PIK3C3: variants seen among roughly 807,000 people sequenced by gnomAD.
PIK3C3 encodes PI3-kinase type 3.
A neutral mutation model predicts 126.1 loss-of-function variants in PIK3C3; 95 were observed. That is an observed-to-expected ratio of 0.75 (90% CI 0.64 to 0.89). PIK3C3 has a LOEUF of 0.89. Ranked by LOEUF, PIK3C3 falls within the 40% of genes least tolerant of loss-of-function variation. The pLI is 0.00. For missense variants in PIK3C3, 829 were observed against 1,063.2 expected (o/e 0.78, Z 3.06); for synonymous variants, 374 against 360.0 (o/e 1.04, Z -0.44).
At chr18:41,980,065 A>G (rs1000913046) in intron 4 of PIK3C3, among the ~76,000 whole-genome samples, 1 of 152,110 alleles carries the variant, frequency 6.6e-6, no homozygotes, top group Admixed American at 6.5e-5. Flanking sequence ...GGATCAAATT[A>G]CTTTAACAGA....
At chr18:42,077,509 G>C (rs908426285) in intron 24 of PIK3C3, among the ~76,000 whole-genome samples, 1 of 152,196 alleles carries the variant, frequency 6.6e-6, no homozygotes, top group African/African-American at 2.4e-5. Flanking sequence ...ACCATGAATT[G>C]ATTCCATCTC....
At chr18:42,074,627 T>G (rs1264604778) in intron 24 of PIK3C3, among the ~76,000 whole-genome samples, 5 of 152,108 alleles carry the variant, frequency 3.3e-5, no homozygotes, top group African/African-American at 1.2e-4. Flanking sequence ...TTTAAAGCAT[T>G]ACTAGTACTC....
chr18:41,987,202 A>G (rs1029800979), intron 4 of PIK3C3, among the ~76,000 whole-genome samples: 4 of 152,068 alleles, frequency 2.6e-5, no homozygotes, highest in African/African-American at 7.2e-5. Context: ...GGAATTCTCT[A>G]TGGATTTGAA....
At chr18:42,068,690 C>A (rs1340143263) in intron 24 of PIK3C3, among the ~76,000 whole-genome samples, 1 of 152,102 alleles carries the variant, frequency 6.6e-6, no homozygotes, top group Non-Finnish European at 1.5e-5. Flanking sequence ...GTGGCTCACG[C>A]CTGTAATCCC....
At chr18:41,988,193 T>G (rs1187310924) in intron 5 of PIK3C3, among the ~76,000 whole-genome samples, 1 of 152,176 alleles carries the variant, frequency 6.6e-6, no homozygotes, top group East Asian at 1.9e-4. Flanking sequence ...TCATATCAGC[T>G]CATGTTCAAG....
chr18:41,963,307 C>T (rs369013982), intron 3 of PIK3C3, among the ~76,000 whole-genome samples: 4 of 152,090 alleles, frequency 2.6e-5, no homozygotes, highest in African/African-American at 7.2e-5. Flanking sequence ...TTCCCTTTAC[C>T]GATTTTAAGA....
intron 18 of PIK3C3, among the ~76,000 whole-genome samples, chr18:42,040,267 A>G (rs147222988): frequency 1.3e-5 from 2 of 151,140 alleles, no homozygotes; most frequent in Admixed American, 6.6e-5. Context: ...ACAGTTTTAC[A>G]TACAGCTTTT....
chr18:42,014,621 G>C (rs1445997500), intron 11 of PIK3C3, among the ~76,000 whole-genome samples: 1 of 152,144 alleles, frequency 6.6e-6, no homozygotes, highest in Non-Finnish European at 1.5e-5. Flanking sequence ...TAACCATTGG[G>C]TGAAAAATCT....
At chr18:42,017,030 A>G (rs556292172) in intron 12 of PIK3C3, among the ~76,000 whole-genome samples, 10 of 152,248 alleles carry the variant, frequency 6.6e-5, no homozygotes, top group South Asian at 4.1e-4. Context: ...TTGTTATTCA[A>G]TGATTAAGCC....
intron 19 of PIK3C3, among the ~76,000 whole-genome samples, chr18:42,043,197 C>T (rs1446216427): frequency 6.6e-6 from 1 of 151,516 alleles, no homozygotes; most frequent in Non-Finnish European, 1.5e-5. Flanking sequence ...CTCCCAGGTT[C>T]AAGCAATTCT....
chr18:42,001,069 T>G (rs943917549), intron 9 of PIK3C3, among the ~76,000 whole-genome samples: 2 of 152,214 alleles, frequency 1.3e-5, no homozygotes, highest in African/African-American at 4.8e-5. Flanking sequence ...TAGGAATATA[T>G]ATATGAGATA....
At position 42,058,130 on chromosome 18, in the gene PIK3C3, T is replaced by C. The variant is rs527997792; in HGVS notation, c.2432+79T>C. On this transcript the variant is annotated intron_variant, in intron 22 of 24. Coordinates refer to ENST00000262039, the MANE Select transcript of PIK3C3 (RefSeq NM_002647.4). ...GAACAAGAGAATTTGTTTAAATGTA[T>C]GCATTCTTTAGCATTGATCACTTTT... 1.4e-5 allele frequency: 17 copies of C among 1,224,598 alleles called. No homozygotes were observed. In the South Asian group the frequency reaches 2.9e-4, roughly 21 times the overall value. 75.9% of individuals were successfully genotyped at this position (1,224,598 alleles called of 1,614,324 possible).
intron 24 of PIK3C3, among the ~76,000 whole-genome samples, chr18:42,071,711 TTC>T (rs1985779783): frequency 6.6e-6 from 1 of 150,560 alleles, no homozygotes; most frequent in South Asian, 2.1e-4. Flanking sequence ...CAGAGTGAGA[TTC>T]TGTCTCAAAA....
In PIK3C3 at chr18:42,076,152, A is replaced by G. The variant is rs1299998049; in HGVS notation, c.2650-4971A>G. ...TATATATATATATATATGCGCATAT[A>G]TATATATATGCACATATATATATAT... On this transcript the variant is annotated intron_variant, in intron 24 of 24. Transcript: ENST00000262039. Among the ~76,000 whole-genome samples, 5 of 112,566 alleles carry G rather than the reference A, an allele frequency of 4.4e-5. 1 individual carries two copies. In the South Asian group the frequency reaches 1.4e-3, roughly 33 times the overall value. The allele number at this position is 112,566 out of a possible 152,430, so 73.8% of individuals were successfully genotyped here.
rs752960321 is a variant in PIK3C3, at chr18:42,013,520, C to T, written c.1249C>T (p.Pro417Ser). ...TGATGATATAAAGAATGGATTGGAACCTACCAAGAAGGATAGTCAGAGTTC... is the reference window on the plus strand; with the variant it reads ...TGATGATATAAAGAATGGATTGGAATCTACCAAGAAGGATAGTCAGAGTTC... ...NFDDIKNGLE[P>S]TKKDSQSSVS... is the part of the protein sequence containing the mutation. The change falls in exon 11 of 25, where the codon CCT becomes TCT. Residue 417 changes from proline to serine, a missense_variant. Pro to Ser is a moderately conservative substitution (Grantham distance 74). Coordinates refer to ENST00000262039, the MANE Select transcript of PIK3C3 (RefSeq NM_002647.4). 6.3e-7 allele frequency: 1 copy of T among 1,596,626 alleles called. No individual in the cohort carries two copies. Among genetic ancestry groups the T allele is most frequent in the East Asian group, 2.3e-5 (1 of 44,292 alleles).
intron 5 of PIK3C3, among the ~76,000 whole-genome samples, chr18:41,989,576 ATGT>A (rs1189519429): frequency 1.3e-5 from 2 of 152,120 alleles, no homozygotes; most frequent in African/African-American, 4.8e-5. Flanking sequence ...TCTTTTAGGT[ATGT>A]TTAGATACAC....
chr18:42,013,370 T>C (rs1341372124), intron 10 of PIK3C3, 72 bp from the exon 11 acceptor site: 2 of 884,428 alleles, frequency 2.3e-6, no homozygotes, highest in Non-Finnish European at 1.7e-6. Flanking sequence ...ACTTGATATT[T>C]AGGAATAAAT....
At chr18:41,981,703 T>C (rs1459676448) in intron 4 of PIK3C3, among the ~76,000 whole-genome samples, 1 of 151,706 alleles carries the variant, frequency 6.6e-6, no homozygotes, top group African/African-American at 2.4e-5. Flanking sequence ...CTCACACCTG[T>C]AATCCCAGTA....
chr18:42,003,889 G>A (rs3915606), intron 9 of PIK3C3, among the ~76,000 whole-genome samples: 1,641 of 152,234 alleles, frequency 0.011, 29 homozygotes, highest in African/African-American at 0.038. Flanking sequence ...GAAAGCCGGT[G>A]GTCATACTCT....
Sources: gnomAD v4.1 joint callset for allele counts (sites outside exome capture counted in the v4.1 genomes callset) on GRCh38, gnomAD v4.1.1 for gene constraint, MANE v1.5 for transcripts, NCBI Gene and HGNC (gene_info 2026-07-23, HGNC 2026-07-21) for gene names.